WWOX: variants seen among roughly 807,000 people sequenced by gnomAD.
WWOX encodes the protein WW domain containing oxidoreductase, also known as WW domain-containing oxidoreductase.
Under a neutral mutation model 46.2 loss-of-function variants are expected in WWOX, and 69 were observed. The ratio of observed to expected loss-of-function variants is 1.49; its 90% CI spans 1.23 to 1.82. The LOEUF (loss-of-function observed/expected upper bound fraction) is 1.82. Ranked by LOEUF, WWOX falls within the 40% of genes most tolerant of loss-of-function variation. The probability of loss-of-function intolerance (pLI) is 0.00; values close to 1 mark genes in which losing one functional copy is unlikely to be tolerated. For synonymous variants in WWOX, 359 were observed against 202.6 expected, an observed-to-expected ratio of 1.77 and a Z score of -6.56; for missense variants, 919 against 542.6, an observed-to-expected ratio of 1.69 and a Z score of -6.89.
intron 8 of WWOX, among the ~76,000 whole-genome samples, chr16:78,654,785 T>C (rs973269072): frequency 6.6e-6 from 1 of 152,126 alleles, no homozygotes; most frequent in Non-Finnish European, 1.5e-5. Flanking sequence ...GACATTGTGA[T>C]GAAACATACT....
intron 8 of WWOX, among the ~76,000 whole-genome samples, chr16:78,994,664 A>T (rs1012427622): frequency 1.3e-5 from 2 of 152,206 alleles, no homozygotes; most frequent in Non-Finnish European, 1.5e-5. Flanking sequence ...AGGAAGCCCA[A>T]TCGCGTCACA....
At chr16:79,133,623 T>C (rs1249536605) in intron 8 of WWOX, among the ~76,000 whole-genome samples, 1 of 152,192 alleles carries the variant, frequency 6.6e-6, no homozygotes, top group Non-Finnish European at 1.5e-5. Context: ...TGTGGCCTTA[T>C]AAAAGCTAAG....
chr16:79,166,344 C>A (rs2050594142), intron 8 of WWOX, among the ~76,000 whole-genome samples: 1 of 152,170 alleles, frequency 6.6e-6, no homozygotes, highest in South Asian at 2.1e-4. Flanking sequence ...TACATTATTT[C>A]CACCACAAAG....
intron 4 of WWOX, among the ~76,000 whole-genome samples, chr16:78,132,840 G>T (rs2033650415): frequency 6.6e-6 from 1 of 152,150 alleles, no homozygotes; most frequent in East Asian, 1.9e-4. Flanking sequence ...ATACCAGGGA[G>T]GTTTTATAAT....
rs74556689 is a variant in WWOX, at chr16:78,451,150, G to T, written c.1056+18398G>T. Among the ~76,000 whole-genome samples, 1,377 of 152,216 alleles carry T rather than the reference G, an allele frequency of 9.0e-3. 28 individuals carry two copies. Among genetic ancestry groups the T allele is most frequent in the African/African-American group, 0.031 (1,291 of 41,526 alleles). ...GGTTCTTAGTTGAACCCAGAGTGGA[G>T]GCCGATTTCATCCAAAGCCATTTTT... On this transcript the variant is annotated intron_variant, in intron 8 of 8. Transcript: ENST00000566780.
intron 8 of WWOX, among the ~76,000 whole-genome samples, chr16:79,020,849 T>A (rs2047518844): frequency 6.6e-6 from 1 of 152,170 alleles, no homozygotes. Flanking sequence ...ATGGTTTAAT[T>A]CTACCACAAA....
At chr16:78,549,314 G>A (rs534489196) in intron 8 of WWOX, among the ~76,000 whole-genome samples, 6 of 152,296 alleles carry the variant, frequency 3.9e-5, no homozygotes, top group Admixed American at 6.5e-5. Context: ...TCTGGGGAGC[G>A]TTCAACCTGA....
At chr16:78,909,839 C>T (rs779906606) in intron 8 of WWOX, among the ~76,000 whole-genome samples, 1 of 152,150 alleles carries the variant, frequency 6.6e-6, no homozygotes, top group Non-Finnish European at 1.5e-5. Context: ...TCTGGGAATC[C>T]ATAAATACTG....
intron 8 of WWOX, among the ~76,000 whole-genome samples, chr16:78,888,663 T>C (rs2044520062): frequency 6.6e-6 from 1 of 152,066 alleles, no homozygotes; most frequent in Non-Finnish European, 1.5e-5. Flanking sequence ...CCACTAGGAG[T>C]CTTCTGAGAT....
intron 4 of WWOX, among the ~76,000 whole-genome samples, chr16:78,149,273 T>G (rs1233007922): frequency 1.3e-5 from 2 of 152,206 alleles, no homozygotes; most frequent in Admixed American, 6.5e-5. Context: ...AAAGATCATT[T>G]TTTACTGGTT....
chr16:78,935,943 G>A (rs931713937), intron 8 of WWOX, among the ~76,000 whole-genome samples: 1 of 151,984 alleles, frequency 6.6e-6, no homozygotes, highest in Admixed American at 6.6e-5. Flanking sequence ...AGCAGCAGCA[G>A]CAGCAGCTAG....
intron 8 of WWOX, among the ~76,000 whole-genome samples, chr16:78,911,231 C>A (rs139477447): frequency 2.0e-5 from 3 of 151,962 alleles, no homozygotes; most frequent in Admixed American, 1.3e-4. Flanking sequence ...ATTTCCAGAG[C>A]AATTTTGGTG....
At chr16:78,655,863 G>C (rs528046948) in intron 8 of WWOX, among the ~76,000 whole-genome samples, 16 of 152,260 alleles carry the variant, frequency 1.1e-4, no homozygotes, top group Admixed American at 6.5e-4. Context: ...CAGACCCTGT[G>C]GGCTGTCTGT....
intron 8 of WWOX, among the ~76,000 whole-genome samples, chr16:78,770,786 G>T (rs750181181): frequency 6.9e-5 from 5 of 72,206 alleles, no homozygotes; most frequent in Non-Finnish European, 1.6e-4. Flanking sequence ...GCGTCCGCTG[G>T]CAAAGGGGAA....
At chr16:78,885,346 T>G (rs985089710) in intron 8 of WWOX, among the ~76,000 whole-genome samples, 2 of 152,210 alleles carry the variant, frequency 1.3e-5, no homozygotes, top group Admixed American at 6.5e-5. Flanking sequence ...ATAAAATCTT[T>G]CCTGTCAGCT....
chr16:78,793,532 C>G (rs7197824), intron 8 of WWOX, among the ~76,000 whole-genome samples: 52,106 of 152,030 alleles, frequency 0.34, 9,029 homozygotes, highest in Admixed American at 0.37. Context: ...AGGTCATTAG[C>G]TCATAATGAT....
chr16:78,100,602 A>T (rs545928308), intron 1 of WWOX, among the ~76,000 whole-genome samples: 1 of 152,186 alleles, frequency 6.6e-6, no homozygotes, highest in Non-Finnish European at 1.5e-5. Flanking sequence ...ATTTCCTGGG[A>T]AAGTTTTGGA....
chr16:78,717,297 G>A (rs1435306045), intron 8 of WWOX, among the ~76,000 whole-genome samples: 1 of 152,102 alleles, frequency 6.6e-6, no homozygotes, highest in Non-Finnish European at 1.5e-5. Context: ...GAGCCTACTG[G>A]GAGAGACAGC....
intron 5 of WWOX, among the ~76,000 whole-genome samples, chr16:78,380,539 T>G (rs1432661333): frequency 1.3e-5 from 2 of 152,130 alleles, no homozygotes; most frequent in African/African-American, 4.8e-5. Context: ...ACTGCACTCT[T>G]TAAGGATAGG....
Sources: allele counts gnomAD v4.1 joint callset (sites outside exome capture counted in the v4.1 genomes callset), GRCh38; gene constraint gnomAD v4.1.1; transcripts MANE v1.5; gene names NCBI Gene and HGNC (gene_info 2026-07-23, HGNC 2026-07-21).